DDX19B: variants seen among roughly 807,000 people sequenced by gnomAD.
The protein encoded by DDX19B is ATP-dependent RNA helicase DDX19B.
In DDX19B, 27 loss-of-function variants were observed where a neutral mutation model predicts 58.1. The observed-to-expected ratio is 0.46, with a 90% CI of 0.34 to 0.64. The LOEUF (loss-of-function observed/expected upper bound fraction) is 0.64, where lower values mean the gene tolerates loss of function less well. DDX19B is among the 30% of genes least tolerant of loss of function. The pLI, the probability that DDX19B is intolerant of heterozygous loss-of-function variation, is 0.01. For synonymous variants in DDX19B, 187 were observed against 214.4 expected (o/e 0.87, Z 1.12); for missense variants, 399 against 596.5 (o/e 0.67, Z 3.45).
chr16:70,296,235 C>T (rs902196066), upstream of DDX19B, among the ~76,000 whole-genome samples: 8 of 152,018 alleles, frequency 5.3e-5, no homozygotes, highest in Non-Finnish European at 8.8e-5. Context: ...AACTCCTGAC[C>T]TCGTGATCCA....
At chr16:70,331,697 T>TA (rs764554385) in intron 9 of DDX19B, 25 bp from the exon 10 acceptor site, 9 of 1,607,090 alleles carry the variant, frequency 5.6e-6, no homozygotes, top group African/African-American at 1.3e-5. Flanking sequence ...GGTCTCTTCA[T>TA]AAAAAACAAT....
chr16:70,331,102 G>A (rs576284930), intron 9 of DDX19B, among the ~76,000 whole-genome samples: 3 of 152,266 alleles, frequency 2.0e-5, no homozygotes, highest in Admixed American at 2.0e-4. Context: ...TTTGAGATAA[G>A]GTCTTGCTCT....
chr16:70,295,153 T>C, upstream of DDX19B: 1 of 1,026,180 alleles, frequency 9.7e-7, no homozygotes, highest in Non-Finnish European at 1.3e-6. Context: ...CCAATCCAGA[T>C]GCTCTTATTC....
upstream of DDX19B, chr16:70,289,973 G>C (rs920787645): frequency 1.5e-5 from 5 of 326,964 alleles, no homozygotes; most frequent in African/African-American, 1.1e-4. Flanking sequence ...GGGAGACCTT[G>C]AATTTGGTGT....
chr16:70,326,980 G>A (rs1029218250), intron 7 of DDX19B, among the ~76,000 whole-genome samples: 3 of 151,616 alleles, frequency 2.0e-5, no homozygotes, highest in East Asian at 2.0e-4. Context: ...GACTACAGGC[G>A]CCCACCACTA....
chr16:70,323,870 G>T (rs1195377570), intron 5 of DDX19B, among the ~76,000 whole-genome samples: 1 of 152,048 alleles, frequency 6.6e-6, no homozygotes, highest in Admixed American at 6.6e-5. Context: ...AGTGGTTAAG[G>T]TAGGATCTCC....
upstream of DDX19B, among the ~76,000 whole-genome samples, chr16:70,291,285 A>G (rs1961054254): frequency 6.6e-6 from 1 of 152,178 alleles, no homozygotes. Context: ...AGGAGACACA[A>G]GTGTTTATTC....
At chr16:70,317,008 C>A (rs1273783181) in intron 4 of DDX19B, among the ~76,000 whole-genome samples, 1 of 151,964 alleles carries the variant, frequency 6.6e-6, no homozygotes, top group Non-Finnish European at 1.5e-5. Flanking sequence ...AGATTGAGAT[C>A]ATCCTGGCTA....
chr16:70,315,746 TTAGAA>T, intron 3 of DDX19B: 1 of 506,656 alleles, frequency 2.0e-6, no homozygotes, highest in Non-Finnish European at 3.3e-6. Context: ...AAGAGGGCTG[TTAGAA>T]TAGAGTCTGG....
chr16:70,303,597 C>A (rs1315270830), intron 1 of DDX19B, among the ~76,000 whole-genome samples: 1 of 152,188 alleles, frequency 6.6e-6, no homozygotes, highest in East Asian at 1.9e-4. Flanking sequence ...TGCTCTGTCG[C>A]CTGGGCTGGA....
At chr16:70,329,239 A>G (rs552394689) in intron 7 of DDX19B, 53 bp from the exon 8 acceptor site, 67 of 1,571,630 alleles carry the variant, frequency 4.3e-5, no homozygotes, top group African/African-American at 3.6e-4. Context: ...AAAAAAAAAA[A>G]AAAAGAAAGA....
chr16:70,307,800 T>C (rs1023928199), intron 1 of DDX19B, among the ~76,000 whole-genome samples: 2 of 151,708 alleles, frequency 1.3e-5, no homozygotes, highest in African/African-American at 4.8e-5. Context: ...CATAGCACAC[T>C]GTAACCTGGA....
intron 9 of DDX19B, among the ~76,000 whole-genome samples, chr16:70,330,768 GCA>G (rs1222806297): frequency 6.6e-6 from 1 of 152,020 alleles, no homozygotes; most frequent in Non-Finnish European, 1.5e-5. Flanking sequence ...ATATGGCTGG[GCA>G]CAGTGGCTCA....
At chr16:70,294,114 C>G (rs1181835743), upstream of DDX19B, among the ~76,000 whole-genome samples, 4 of 113,562 alleles carry the variant, frequency 3.5e-5, no homozygotes, top group African/African-American at 1.4e-4. Context: ...CGGAGTCTCA[C>G]TCTGTCGCCC....
intron 1 of DDX19B, among the ~76,000 whole-genome samples, chr16:70,311,528 CCT>C (rs1411654856): frequency 6.6e-6 from 1 of 152,144 alleles, no homozygotes; most frequent in Non-Finnish European, 1.5e-5. Flanking sequence ...CGAAATAGGC[CCT>C]GTCAGGAAGG....
intron 1 of DDX19B, among the ~76,000 whole-genome samples, chr16:70,304,174 G>A (rs892269691): frequency 1.1e-4 from 17 of 151,416 alleles, no homozygotes; most frequent in Non-Finnish European, 2.1e-4. Flanking sequence ...CCTAGTAGCT[G>A]GGATTACAGG....
At chr16:70,329,539 G>A in intron 8 of DDX19B, 70 bp downstream of exon 8, 2 of 1,596,184 alleles carry the variant, frequency 1.3e-6, no homozygotes, top group South Asian at 1.1e-5. Flanking sequence ...CACTTCAGAT[G>A]CCTCCTCTGG....
At chr16:70,330,442 G>A (rs1183431720) in intron 9 of DDX19B, among the ~76,000 whole-genome samples, 1 of 152,060 alleles carries the variant, frequency 6.6e-6, no homozygotes, top group Non-Finnish European at 1.5e-5. Flanking sequence ...CAAAAAATTA[G>A]CCGTGCGTGG....
chr16:70,331,629 A>G (rs982997439), intron 9 of DDX19B, 93 bp from the exon 10 acceptor site: 15 of 1,477,686 alleles, frequency 1.0e-5, no homozygotes, highest in African/African-American at 9.9e-5. Flanking sequence ...CAGGGCCTTC[A>G]TGTATTTTAA....
Sources: gnomAD v4.1 joint callset for allele counts (sites outside exome capture counted in the v4.1 genomes callset) on GRCh38, gnomAD v4.1.1 for gene constraint, MANE v1.5 for transcripts, NCBI Gene and HGNC (gene_info 2026-07-23, HGNC 2026-07-21) for gene names.